ATXN1: variants seen among roughly 807,000 people sequenced by gnomAD.
ATXN1 encodes the protein ataxin 1.
A neutral mutation model predicts 56.4 loss-of-function variants in ATXN1; 8 were observed. That is an observed-to-expected ratio of 0.14 (90% CI 0.08 to 0.26). The LOEUF is 0.26. Ranked by LOEUF, ATXN1 falls within the 10% of genes least tolerant of loss-of-function variation. The pLI, the probability that ATXN1 is intolerant of heterozygous loss-of-function variation, is 1.00. For synonymous variants in ATXN1, 514 were observed against 494.6 expected, an observed-to-expected ratio of 1.04 and a Z score of -0.52; for missense variants, 987 against 1,106.5, an observed-to-expected ratio of 0.89 and a Z score of 1.53.
At chr6:16,664,959 T>A (rs1758395492) in intron 2 of ATXN1, among the ~76,000 whole-genome samples, 1 of 152,044 alleles carries the variant, frequency 6.6e-6, no homozygotes, top group South Asian at 2.1e-4. Context: ...TATGAAAAAA[T>A]AATTATATTT....
chr6:16,583,610 C>T (rs1407069061), intron 4 of ATXN1, among the ~76,000 whole-genome samples: 1 of 152,216 alleles, frequency 6.6e-6, no homozygotes, highest in African/African-American at 2.4e-5. Context: ...GCCCAAGGCA[C>T]TTGCTGTACC....
intron 6 of ATXN1, among the ~76,000 whole-genome samples, chr6:16,461,556 T>C (rs867102511): frequency 6.6e-6 from 1 of 152,332 alleles, no homozygotes; most frequent in Middle Eastern, 3.4e-3. Context: ...TTCACCCATA[T>C]GCCTAAGTCA....
At chr6:16,439,390 TTGGGG>T (rs1364729093) in intron 6 of ATXN1, among the ~76,000 whole-genome samples, 1 of 11,694 alleles carries the variant, frequency 8.6e-5, no homozygotes, top group Non-Finnish European at 1.4e-4. Context: ...GGAATAAGGG[TTGGGG>T]TGGGGTGGGG....
At chr6:16,363,914 ACT>A (rs1189686002) in intron 6 of ATXN1, among the ~76,000 whole-genome samples, 1 of 152,154 alleles carries the variant, frequency 6.6e-6, no homozygotes, top group Non-Finnish European at 1.5e-5. Context: ...TCGTTAAGTG[ACT>A]CTAAAATAAA....
chr6:16,447,484 A>G (rs886281840), intron 6 of ATXN1, among the ~76,000 whole-genome samples: 15 of 152,148 alleles, frequency 9.9e-5, no homozygotes, highest in African/African-American at 3.6e-4. Flanking sequence ...TCAGCCTCCC[A>G]AAGTGCTAGG....
At chr6:16,728,463 A>T (rs1001211) in intron 2 of ATXN1, among the ~76,000 whole-genome samples, 38,116 of 152,096 alleles carry the variant, frequency 0.25, 5,498 homozygotes, top group South Asian at 0.36. Flanking sequence ...AACATCTGGG[A>T]TGTAGGACAG....
At chr6:16,704,907 G>A (rs1460133286) in intron 2 of ATXN1, among the ~76,000 whole-genome samples, 2 of 152,144 alleles carry the variant, frequency 1.3e-5, no homozygotes, top group Admixed American at 6.5e-5. Context: ...CGAGGGGGAG[G>A]GGGCACAGTG....
intron 3 of ATXN1, among the ~76,000 whole-genome samples, chr6:16,609,779 G>A (rs1012897654): frequency 2.6e-5 from 4 of 152,042 alleles, no homozygotes; most frequent in African/African-American, 7.2e-5. Flanking sequence ...GGAAGAAGAC[G>A]ATTTCAAAAA....
intron 5 of ATXN1, among the ~76,000 whole-genome samples, chr6:16,496,122 T>C (rs1452680980): frequency 1.3e-5 from 2 of 152,194 alleles, no homozygotes; most frequent in Non-Finnish European, 2.9e-5. Flanking sequence ...TTAATACTAT[T>C]CCGAGTAACT....
At chr6:16,401,753 C>A (rs1648477856) in intron 6 of ATXN1, among the ~76,000 whole-genome samples, 1 of 152,146 alleles carries the variant, frequency 6.6e-6, no homozygotes, top group African/African-American at 2.4e-5. Flanking sequence ...TATTTTTCCC[C>A]TTTAGGGTCA....
intron 5 of ATXN1, among the ~76,000 whole-genome samples, chr6:16,514,810 C>T (rs1263680606): frequency 6.6e-6 from 1 of 151,816 alleles, no homozygotes; most frequent in African/African-American, 2.4e-5. Context: ...GGTGAAACCC[C>T]ATCTCTACTA....
chr6:16,568,400 C>T (rs9383178), intron 4 of ATXN1, among the ~76,000 whole-genome samples: 70,484 of 152,084 alleles, frequency 0.46, 18,876 homozygotes, highest in East Asian at 0.73. Flanking sequence ...GTTACATGCC[C>T]GGTACAGGCA....
chr6:16,602,338 G>A (rs547651315), intron 3 of ATXN1, among the ~76,000 whole-genome samples: 8 of 151,214 alleles, frequency 5.3e-5, no homozygotes, highest in South Asian at 4.2e-4. Context: ...TTTTTGCTCC[G>A]CCCACCAAAA....
At chr6:16,616,805 A>C (rs971339708) in intron 3 of ATXN1, among the ~76,000 whole-genome samples, 14 of 151,152 alleles carry the variant, frequency 9.3e-5, no homozygotes, top group Admixed American at 4.0e-4. Flanking sequence ...CTTATACAGT[A>C]GTCTCCCCAT....
chr6:16,322,414 G>T (rs146433968), intron 7 of ATXN1, among the ~76,000 whole-genome samples: 1 of 151,978 alleles, frequency 6.6e-6, no homozygotes, highest in Non-Finnish European at 1.5e-5. Flanking sequence ...ATGTTGGGGG[G>T]GTCTTATGAG....
intron 3 of ATXN1, among the ~76,000 whole-genome samples, chr6:16,601,569 A>T (rs1253375452): frequency 6.6e-6 from 1 of 152,120 alleles, no homozygotes; most frequent in East Asian, 1.9e-4. Flanking sequence ...TATTTATTTC[A>T]GCTGTGCGCA....
intron 2 of ATXN1, among the ~76,000 whole-genome samples, chr6:16,689,796 T>C (rs1343896102): frequency 6.6e-6 from 1 of 152,176 alleles, no homozygotes; most frequent in African/African-American, 2.4e-5. Context: ...ATCTTGACAT[T>C]TATAATACCT....
At position 16,722,684 on chromosome 6, in the gene ATXN1, G is replaced by C. The variant is rs563091092; in HGVS notation, c.-615+30549C>G. Among the ~76,000 whole-genome samples, 159 of 152,180 alleles carry C rather than the reference G, an allele frequency of 1.0e-3. 1 individual carries two copies. Among genetic ancestry groups the C allele is most frequent in the Non-Finnish European group, 1.8e-3 (123 of 68,022 alleles). On this transcript the variant is annotated intron_variant, in intron 2 of 7. Coordinates refer to ENST00000436367, the MANE Select transcript of ATXN1 (RefSeq NM_001128164.2). ...AAATATGTCAAATTATAAAGTCTCT[G>C]AGTCATGATAGTAATCAAACCTGAG...
chr6:16,330,508 GC>G (rs1398419756), intron 6 of ATXN1, among the ~76,000 whole-genome samples: 1 of 149,630 alleles, frequency 6.7e-6, no homozygotes, highest in Non-Finnish European at 1.5e-5. Flanking sequence ...TCCCACCTCA[GC>G]CTCCCAGGTA....
Sources: allele counts gnomAD v4.1 joint callset (sites outside exome capture counted in the v4.1 genomes callset), GRCh38; gene constraint gnomAD v4.1.1; transcripts MANE v1.5; gene names NCBI Gene and HGNC (gene_info 2026-07-23, HGNC 2026-07-21).